ESR1: variants seen among roughly 807,000 people sequenced by gnomAD.
The protein encoded by ESR1 is estrogen receptor.
ESR1 carries 12 observed loss-of-function variants against 52.7 expected under a neutral mutation model. That is an observed-to-expected ratio of 0.23 (90% CI 0.15 to 0.37). ESR1 has a LOEUF of 0.37. Among genes scored for constraint, ESR1 ranks in the 10% least tolerant of loss-of-function variants. ESR1 has a pLI of 1.00. For missense variants in ESR1, 584 were observed against 779.7 expected (o/e 0.75, Z 2.99); for synonymous variants, 305 against 316.8 (o/e 0.96, Z 0.39).
At chr6:151,664,408 T>C (rs1236437675) in intron 1 of ESR1, among the ~76,000 whole-genome samples, 1 of 152,216 alleles carries the variant, frequency 6.6e-6, no homozygotes, top group Non-Finnish European at 1.5e-5. Context: ...ATTGAAAAAC[T>C]ATCATGGAAG....
chr6:151,846,377 G>C (rs1394498781), intron 2 of ESR1, among the ~76,000 whole-genome samples: 1 of 152,120 alleles, frequency 6.6e-6, no homozygotes, highest in African/African-American at 2.4e-5. Flanking sequence ...ACAAGTTTAA[G>C]GGTTTCTAGT....
At chr6:151,806,557 T>TATATATATATATATACACAC (rs1554259008), upstream of ESR1, among the ~76,000 whole-genome samples, 2 of 133,790 alleles carry the variant, frequency 1.5e-5, no homozygotes, top group African/African-American at 2.8e-5. Context: ...TATATATATA[T>TATATATATATATATACACAC]ACACATATAT....
chr6:151,784,447 G>A (rs773433856), intron 2 of ESR1, among the ~76,000 whole-genome samples: 6 of 152,098 alleles, frequency 3.9e-5, no homozygotes, highest in Non-Finnish European at 5.9e-5. Flanking sequence ...TTAAAAAAAT[G>A]AAGTCAACAG....
intron 2 of ESR1, among the ~76,000 whole-genome samples, chr6:151,854,041 T>C (rs1787369790): frequency 1.3e-5 from 2 of 152,170 alleles, no homozygotes; most frequent in Non-Finnish European, 1.5e-5. Context: ...CAAATTTCTC[T>C]CTTTTTCATA....
intron 6 of ESR1, among the ~76,000 whole-genome samples, chr6:152,075,818 AT>A (rs890029360): frequency 1.3e-5 from 2 of 151,856 alleles, no homozygotes; most frequent in East Asian, 1.9e-4. Flanking sequence ...ATCGTATGTC[AT>A]TTTTTTTCTG....
chr6:151,764,656 TATG>T lies in ESR1; in HGVS notation c.-70-43186_-70-43184del, dbSNP rs1784910105. 5.3e-5 allele frequency among the ~76,000 whole-genome samples: 8 copies of T among 152,324 alleles called. 1 individual carries two copies. The South Asian group carries it at 1.7e-3, about 32-fold the overall frequency. ...GTTCGTTAACCATGATAAAAACGGTTATGTTGTTACATTCATCAAGATCCAAAT... is the reference window on the plus strand; with the variant it reads ...GTTCGTTAACCATGATAAAAACGGTTTTGTTACATTCATCAAGATCCAAAT... On this transcript the variant is annotated intron_variant, in intron 2 of 2. Coordinates refer to the ESR1 transcript ENST00000404742.
intron 5 of ESR1, among the ~76,000 whole-genome samples, chr6:152,017,884 G>A (rs1340078462): frequency 2.0e-5 from 3 of 151,930 alleles, no homozygotes; most frequent in East Asian, 1.9e-4. Context: ...AAATATTTGC[G>A]GATTTCTCAG....
chr6:151,991,422 C>T lies in ESR1; in HGVS notation c.1097-20234C>T, dbSNP rs566957696. Among the ~76,000 whole-genome samples the T allele has an allele frequency of 1.8e-3, 269 of 151,824 alleles. 1 individual carries two copies. The highest frequency in any genetic ancestry group is 3.2e-3 in the Non-Finnish European group (215 of 67,976). On this transcript the variant is annotated intron_variant, in intron 4 of 7. Transcript: ENST00000206249. Reference sequence around the variant, plus strand: ...TTATTAAAAAGAGTTTCTAATCTCACCTGCTAAGTGCTACAAGGAAAAAAA... The same window carrying T: ...TTATTAAAAAGAGTTTCTAATCTCATCTGCTAAGTGCTACAAGGAAAAAAA...
chr6:151,828,319 T>A (rs1451951102), intron 1 of ESR1, among the ~76,000 whole-genome samples: 4 of 152,232 alleles, frequency 2.6e-5, no homozygotes, highest in Admixed American at 2.6e-4. Flanking sequence ...CAGCATAGTC[T>A]AACAAGTATA....
At chr6:152,084,043 C>A (rs547862369) in intron 6 of ESR1, among the ~76,000 whole-genome samples, 54 of 152,234 alleles carry the variant, frequency 3.5e-4, no homozygotes, top group African/African-American at 1.3e-3. Flanking sequence ...CAACGATAGA[C>A]TGGATAAAGA....
chr6:151,752,657 C>G (rs980103003), intron 2 of ESR1, among the ~76,000 whole-genome samples: 2 of 152,070 alleles, frequency 1.3e-5, no homozygotes, highest in Non-Finnish European at 2.9e-5. Flanking sequence ...AAGGACTACA[C>G]TATAGAATTA....
chr6:151,848,509 TCTTA>T (rs990616393), intron 2 of ESR1, among the ~76,000 whole-genome samples: 1 of 150,846 alleles, frequency 6.6e-6, no homozygotes, highest in African/African-American at 2.4e-5. Context: ...AAAAAAGAGA[TCTTA>T]GTTCTTTTGG....
At chr6:151,743,382 G>A (rs528832970) in intron 2 of ESR1, among the ~76,000 whole-genome samples, 2 of 152,250 alleles carry the variant, frequency 1.3e-5, no homozygotes, top group South Asian at 2.1e-4. Flanking sequence ...GTACACAAGA[G>A]CCATTTGTTG....
chr6:151,698,517 C>T (rs1222137590), intron 1 of ESR1, among the ~76,000 whole-genome samples: 1 of 152,136 alleles, frequency 6.6e-6, no homozygotes, highest in African/African-American at 2.4e-5. Flanking sequence ...ATCTCTCCTG[C>T]AGTTGCCTAA....
chr6:151,959,455 T>C (rs2037400142), intron 4 of ESR1, among the ~76,000 whole-genome samples: 1 of 152,228 alleles, frequency 6.6e-6, no homozygotes, highest in Non-Finnish European at 1.5e-5. Flanking sequence ...CCTTTTTCCT[T>C]GTCTCTCCCT....
At chr6:151,771,802 T>A (rs1026329497) in intron 2 of ESR1, among the ~76,000 whole-genome samples, 4 of 152,212 alleles carry the variant, frequency 2.6e-5, no homozygotes, top group African/African-American at 9.7e-5. Context: ...TCTGTATTGT[T>A]TGAATCTTTA....
chr6:151,822,040 T>C (rs1341996871), intron 1 of ESR1, among the ~76,000 whole-genome samples: 2 of 152,220 alleles, frequency 1.3e-5, no homozygotes, highest in African/African-American at 4.8e-5. Context: ...CAGAGATATA[T>C]ATTTATCAGG....
intron 1 of ESR1, among the ~76,000 whole-genome samples, chr6:151,700,739 A>C (rs1171881975): frequency 4.0e-5 from 6 of 151,530 alleles, no homozygotes; most frequent in Non-Finnish European, 8.8e-5. Flanking sequence ...ATTAGGAAAA[A>C]ATAAAAACAC....
At chr6:152,033,399 C>G (rs2044930281) in intron 5 of ESR1, among the ~76,000 whole-genome samples, 1 of 152,140 alleles carries the variant, frequency 6.6e-6, no homozygotes, top group Admixed American at 6.6e-5. Context: ...ACTCATTTGA[C>G]AAAGGGCTAA....
Sources: allele counts gnomAD v4.1 joint callset (sites outside exome capture counted in the v4.1 genomes callset), GRCh38; gene constraint gnomAD v4.1.1; transcripts MANE v1.5; gene names NCBI Gene and HGNC (gene_info 2026-07-23, HGNC 2026-07-21).